ZDHHC7: variants seen among roughly 807,000 people sequenced by gnomAD.
The protein encoded by ZDHHC7 is zDHHC palmitoyltransferase 7, also known as palmitoyltransferase ZDHHC7.
ZDHHC7 carries 12 observed loss-of-function variants against 34.1 expected under a neutral mutation model. That is an observed-to-expected ratio of 0.35 (90% confidence interval 0.23 to 0.57). The LOEUF is 0.57. ZDHHC7 is among the 20% of genes least tolerant of loss of function. The probability of loss-of-function intolerance (pLI) is 0.84; values close to 1 mark genes in which losing one functional copy is unlikely to be tolerated. For missense variants in ZDHHC7, 388 were observed against 402.7 expected (o/e 0.96, Z 0.31); for synonymous variants, 185 against 155.4 (o/e 1.19, Z -1.42).
the ZDHHC7 span, among the ~76,000 whole-genome samples, chr16:85,019,381 A>C: frequency 6.6e-6 from 1 of 152,178 alleles, no homozygotes; most frequent in Non-Finnish European, 1.5e-5. Flanking sequence ...TAGCCACTGC[A>C]TGCCAGCCTG....
At chr16:84,976,550 G>A (rs372462578) in intron 7 of ZDHHC7, 31 bp from the exon 8 acceptor site, 18 of 1,607,694 alleles carry the variant, frequency 1.1e-5, no homozygotes, top group East Asian at 6.7e-5. Context: ...AAGTGGCAGC[G>A]GCTCCAGGAA....
chr16:84,974,422 A>C lies in ZDHHC7; in HGVS notation c.*1921T>G, dbSNP rs906862798. ...AAGCACGGAAAGGCACCCCCTGAAA[A>C]CACCACCATCCAGGAAGAACGGGCG... On this transcript the variant is annotated 3_prime_UTR_variant, in exon 8 of 8. Coordinates refer to ENST00000313732, the MANE Select transcript of ZDHHC7 (RefSeq NM_017740.3). The C allele has an allele frequency of 2.0e-5, 3 of 152,142 alleles. No homozygotes were observed. Among genetic ancestry groups the C allele is most frequent in the Admixed American group, 1.3e-4 (2 of 15,274 alleles). The allele number at this position is 152,142 out of a possible 1,614,324, so 9.4% of individuals were successfully genotyped here.
chr16:84,981,677 ACT>A (rs2072370062), intron 4 of ZDHHC7, among the ~76,000 whole-genome samples, 191 bp downstream of exon 4: 1 of 151,764 alleles, frequency 6.6e-6, no homozygotes. Flanking sequence ...TCCCAAAAAG[ACT>A]CTAGGGCACC....
intron 2 of ZDHHC7, 126 bp downstream of exon 2, chr16:84,995,796 G>A (rs572178386): frequency 6.6e-6 from 1 of 152,222 alleles, no homozygotes; most frequent in Admixed American, 6.5e-5. Flanking sequence ...AGGAAGGCGT[G>A]CCTGTCAGCT....
chr16:84,977,603 C>A (rs112486323), intron 6 of ZDHHC7, among the ~76,000 whole-genome samples: 1 of 152,198 alleles, frequency 6.6e-6, no homozygotes, highest in African/African-American at 2.4e-5. Context: ...CTGTCCAGAC[C>A]TCACTGCATA....
At chr16:85,024,947 T>C in the ZDHHC7 span, among the ~76,000 whole-genome samples, 2 of 152,128 alleles carry the variant, frequency 1.3e-5, no homozygotes, top group Admixed American at 6.5e-5. Flanking sequence ...TGAGACAATA[T>C]AAGCCTAGAG....
intron 1 of ZDHHC7, among the ~76,000 whole-genome samples, chr16:85,007,979 G>A (rs1272870021): frequency 1.3e-5 from 2 of 151,962 alleles, no homozygotes; most frequent in African/African-American, 4.8e-5. Context: ...GCCGGACAGG[G>A]TGGCGTACAC....
At chr16:84,983,889 C>G (rs1270511322) in intron 3 of ZDHHC7, among the ~76,000 whole-genome samples, 1 of 150,418 alleles carries the variant, frequency 6.6e-6, no homozygotes, top group African/African-American at 2.4e-5. Flanking sequence ...AATATCCCAG[C>G]TACTCGGGAG....
chr16:85,009,506 C>T (rs1450512277), intron 1 of ZDHHC7, among the ~76,000 whole-genome samples: 1 of 150,824 alleles, frequency 6.6e-6, no homozygotes, highest in Non-Finnish European at 1.5e-5. Context: ...CAGAAGAGTT[C>T]CCATTGTTAC....
At chr16:84,984,905 C>T (rs748143398) in intron 3 of ZDHHC7, among the ~76,000 whole-genome samples, 5 of 152,168 alleles carry the variant, frequency 3.3e-5, no homozygotes, top group Non-Finnish European at 7.3e-5. Flanking sequence ...CAAAGGGCCT[C>T]GCCAGGATGT....
Position 84,975,434 on chromosome 16 carries a change from C to CTAA in ZDHHC7, c.*906_*908dup, listed in dbSNP as rs1030011025. ...TTACCTAGGTGCCATTTATACACTG[C>CTAA]TAATTTGGCTGGAACAAAAAAAAAA... On this transcript the variant is annotated 3_prime_UTR_variant, in exon 8 of 8. Coordinates refer to ENST00000313732, the MANE Select transcript of ZDHHC7 (RefSeq NM_017740.3). The CTAA allele has an allele frequency of 3.3e-5, 5 of 150,868 alleles. No homozygotes were observed. Among genetic ancestry groups the CTAA allele is most frequent in the Admixed American group, 2.0e-4 (3 of 15,050 alleles). The allele number at this position is 150,868 out of a possible 1,614,324, so 9.3% of individuals were successfully genotyped here. A position where few individuals can be genotyped will look rare whatever the true frequency, so the allele number is the denominator to read the frequency against.
intron 1 of ZDHHC7, among the ~76,000 whole-genome samples, chr16:85,002,087 T>C (rs1031147732): frequency 1.3e-5 from 2 of 151,542 alleles, no homozygotes; most frequent in African/African-American, 4.9e-5. Context: ...TCCAGGAAAA[T>C]AAAATAGTAT....
In ZDHHC7 at chr16:84,981,955, C is replaced by G. The variant is rs753058468; in HGVS notation, c.355G>C (p.Glu119Gln). 5.6e-6 allele frequency: 9 copies of G among 1,614,102 alleles called. No individual in the cohort carries two copies. The Admixed American group carries it at 1.0e-4, about 18-fold the overall frequency. The change falls in exon 4 of 8, where the codon GAG becomes CAG. Residue 119 changes from glutamate to glutamine, a missense_variant. Coordinates refer to ENST00000313732, the MANE Select transcript of ZDHHC7 (RefSeq NM_017740.3). The part of the protein sequence containing the change: ...PKGNATKEYM[E>Q]SLQLKPGEVI... Reference sequence around the variant, plus strand: ...TCCCCGGGCTTCAGCTGCAAGCTCTCCATGTATTCTTTCGTAGCGTTTCCT... The same window carrying G: ...TCCCCGGGCTTCAGCTGCAAGCTCTGCATGTATTCTTTCGTAGCGTTTCCT...
At chr16:85,008,821 G>A (rs867295139) in intron 1 of ZDHHC7, among the ~76,000 whole-genome samples, 13 of 151,816 alleles carry the variant, frequency 8.6e-5, no homozygotes, top group South Asian at 4.1e-4. Flanking sequence ...TGAGGCAGGC[G>A]GATCACCAGA....
At chr16:84,976,673 C>T (rs1209583405) in intron 7 of ZDHHC7, among the ~76,000 whole-genome samples, 154 bp from the exon 8 acceptor site, 3 of 152,236 alleles carry the variant, frequency 2.0e-5, no homozygotes, top group African/African-American at 7.2e-5. Flanking sequence ...ATCCAGACCC[C>T]GTGGCCTCTG....
chr16:84,979,360 A>G, intron 4 of ZDHHC7, 75 bp from the exon 5 acceptor site: 1 of 1,539,632 alleles, frequency 6.5e-7, no homozygotes, highest in Non-Finnish European at 8.7e-7. Flanking sequence ...ATAAAATCAA[A>G]GGTGGAGGAA....
In ZDHHC7 at chr16:84,976,155, G is replaced by A. The variant is rs2072294016; in HGVS notation, c.*188C>T. The A allele has an allele frequency of 1.4e-6, 1 of 720,686 alleles. No homozygotes were observed. Among genetic ancestry groups the A allele is most frequent in the African/African-American group, 1.8e-5 (1 of 55,348 alleles). The allele number at this position is 720,686 out of a possible 1,614,324, so 44.6% of individuals were successfully genotyped here. A position where few individuals can be genotyped will look rare whatever the true frequency, so the allele number is the denominator to read the frequency against. Reference sequence around the variant, plus strand: ...CCACACACCTTTCCGTTGTTGTACAGGTGGGGACTGAGAGCCTCTTCCTCT... The same window carrying A: ...CCACACACCTTTCCGTTGTTGTACAAGTGGGGACTGAGAGCCTCTTCCTCT... On this transcript the variant is annotated 3_prime_UTR_variant, in exon 8 of 8. Transcript: ENST00000313732.
At chr16:85,016,210 T>G (rs1467117971), upstream of ZDHHC7, among the ~76,000 whole-genome samples, 1 of 152,124 alleles carries the variant, frequency 6.6e-6, no homozygotes, top group Non-Finnish European at 1.5e-5. Context: ...TTTATACAGA[T>G]GAGGTCTCAC....
intron 5 of ZDHHC7, 34 bp from the exon 6 acceptor site, chr16:84,978,039 A>G (rs1372012234): frequency 6.5e-7 from 1 of 1,543,980 alleles, no homozygotes; most frequent in South Asian, 1.1e-5. Context: ...AGTCACTTTT[A>G]TTTTTTATTT....
Sources: gnomAD v4.1 joint callset for allele counts (sites outside exome capture counted in the v4.1 genomes callset) on GRCh38, gnomAD v4.1.1 for gene constraint, MANE v1.5 for transcripts, NCBI Gene and HGNC (gene_info 2026-07-23, HGNC 2026-07-21) for gene names.